The following PRR5L variants were observed in gnomAD, a reference collection of about 807,000 sequenced individuals.
PRR5L encodes the protein proline rich 5 like.
PRR5L carries 21 observed loss-of-function variants against 36.4 expected under a neutral mutation model. The ratio of observed to expected loss-of-function variants is 0.58; its 90% CI spans 0.41 to 0.83. The LOEUF (loss-of-function observed/expected upper bound fraction) is 0.83, where lower values mean the gene tolerates loss of function less well. Ranked by LOEUF, PRR5L falls within the 40% of genes least tolerant of loss-of-function variation. The pLI is 0.00. For synonymous variants in PRR5L, 188 were observed against 197.0 expected (o/e 0.95, Z 0.38); for missense variants, 381 against 473.3 (o/e 0.80, Z 1.81).
At chr11:36,304,068 GCAGCATCCT>G (rs1856404726) in intron 1 of PRR5L, among the ~76,000 whole-genome samples, 1 of 152,112 alleles carries the variant, frequency 6.6e-6, no homozygotes, top group Admixed American at 6.5e-5. Context: ...GAGGGTCCTC[GCAGCATCCT>G]CAGAAGAGAC....
chr11:36,338,344 G>T (rs759122346), intron 1 of PRR5L, among the ~76,000 whole-genome samples: 22 of 151,966 alleles, frequency 1.4e-4, no homozygotes, highest in Non-Finnish European at 2.5e-4. Context: ...CATTCACCCC[G>T]CTTGAAATGC....
intron 1 of PRR5L, among the ~76,000 whole-genome samples, chr11:36,356,552 G>A (rs1857030058): frequency 6.6e-6 from 1 of 152,044 alleles, no homozygotes; most frequent in South Asian, 2.1e-4. Context: ...CAAGTCAATT[G>A]GCCCCATTTT....
At chr11:36,321,987 C>G (rs1856617981) in intron 1 of PRR5L, among the ~76,000 whole-genome samples, 2 of 152,250 alleles carry the variant, frequency 1.3e-5, no homozygotes, top group Non-Finnish European at 1.5e-5. Flanking sequence ...TTTTCAAAGC[C>G]TCTGTCTCCA....
chr11:36,329,227 G>A (rs1377530190), intron 1 of PRR5L: 1 of 152,156 alleles, frequency 6.6e-6, no homozygotes, highest in Admixed American at 6.5e-5. Context: ...ATTTCCTTGA[G>A]CATGGCATGG....
chr11:36,460,590 G>A (rs1023333994), intron 8 of PRR5L, among the ~76,000 whole-genome samples: 1 of 152,158 alleles, frequency 6.6e-6, no homozygotes, highest in African/African-American at 2.4e-5. Flanking sequence ...ACTGATGTTA[G>A]CATTACCTTT....
chr11:36,458,723 A>C (rs945163072), intron 8 of PRR5L, among the ~76,000 whole-genome samples: 2 of 152,208 alleles, frequency 1.3e-5, no homozygotes, highest in Non-Finnish European at 2.9e-5. Context: ...GGAAGAGCAG[A>C]GAGTAAACTA....
chr11:36,338,912 T>C (rs1856793141), intron 1 of PRR5L, among the ~76,000 whole-genome samples: 1 of 152,106 alleles, frequency 6.6e-6, no homozygotes, highest in Non-Finnish European at 1.5e-5. Flanking sequence ...GGTAACTGAG[T>C]CACGGGGGCC....
At chr11:36,455,974 G>A (rs1475804234) in intron 8 of PRR5L, among the ~76,000 whole-genome samples, 1 of 152,206 alleles carries the variant, frequency 6.6e-6, no homozygotes, top group Non-Finnish European at 1.5e-5. Flanking sequence ...CCAGAAAGTA[G>A]AAGGAAGAGC....
chr11:36,338,439 C>G (rs960578320), intron 1 of PRR5L, among the ~76,000 whole-genome samples: 2 of 152,168 alleles, frequency 1.3e-5, no homozygotes, highest in Non-Finnish European at 2.9e-5. Context: ...TCTGACGTGG[C>G]ACTCTTCTAG....
intron 1 of PRR5L, among the ~76,000 whole-genome samples, chr11:36,325,779 G>A (rs192369731): frequency 3.3e-5 from 5 of 152,252 alleles, no homozygotes; most frequent in African/African-American, 1.2e-4. Flanking sequence ...CACCAACATA[G>A]TCTTTTTCTA....
At chr11:36,333,171 A>G (rs886075542) in intron 1 of PRR5L, among the ~76,000 whole-genome samples, 1 of 152,234 alleles carries the variant, frequency 6.6e-6, no homozygotes, top group Admixed American at 6.5e-5. Flanking sequence ...TTTTACTCAT[A>G]TAAAAATCCA....
intron 2 of PRR5L, among the ~76,000 whole-genome samples, chr11:36,402,881 A>G (rs1857827068): frequency 2.0e-5 from 3 of 152,226 alleles, no homozygotes; most frequent in South Asian, 4.1e-4. Flanking sequence ...TTACCGGTTC[A>G]TGTTAGCTCA....
At chr11:36,299,825 T>TTG (rs905940309) in intron 1 of PRR5L, among the ~76,000 whole-genome samples, 1 of 152,158 alleles carries the variant, frequency 6.6e-6, no homozygotes, top group African/African-American at 2.4e-5. Context: ...CTACTGGAGT[T>TTG]TGGTCTGTGC....
intron 1 of PRR5L, among the ~76,000 whole-genome samples, chr11:36,397,957 G>A (rs768762305): frequency 2.8e-4 from 42 of 151,912 alleles, no homozygotes; most frequent in Non-Finnish European, 5.3e-4. Flanking sequence ...CCCCATGCCC[G>A]GCTCATTTTG....
intron 1 of PRR5L, among the ~76,000 whole-genome samples, chr11:36,303,131 C>G (rs1473483997): frequency 6.6e-6 from 1 of 152,126 alleles, no homozygotes; most frequent in East Asian, 1.9e-4. Flanking sequence ...AGGACTCTTC[C>G]TCAAGACAGG....
intron 1 of PRR5L, chr11:36,398,371 C>G (rs762176952): frequency 6.6e-6 from 1 of 152,366 alleles, no homozygotes; most frequent in Admixed American, 6.5e-5. Context: ...CCGCGCCTGC[C>G]GGGCCAGCGC....
rs539553427 is a variant in PRR5L at position 36,332,799 on chromosome 11, C to T, written c.-126+36361C>T. On this transcript the variant is annotated intron_variant, in intron 1 of 8. Coordinates refer to ENST00000530639, the MANE Select transcript of PRR5L (RefSeq NM_001160167.2). The stretch of plus-strand genomic sequence containing the variant: ...CTCTCGCCATGTGATATGCCTGCTC[C>T]CCTTTGCCTCTCACAATGAGTGGAA... Among the ~76,000 whole-genome samples the T allele has an allele frequency of 2.6e-5, 4 of 152,308 alleles. No individual in the cohort carries two copies. In the South Asian group the frequency reaches 8.3e-4, roughly 32 times the overall value.
intron 1 of PRR5L, among the ~76,000 whole-genome samples, chr11:36,329,587 A>G (rs931123361): frequency 1.3e-5 from 2 of 152,354 alleles, no homozygotes; most frequent in African/African-American, 4.8e-5. Flanking sequence ...CCTTGTTTAT[A>G]AATAAGTCAT....
intron 3 of PRR5L, among the ~76,000 whole-genome samples, chr11:36,408,866 G>A (rs544518353): frequency 6.6e-6 from 1 of 152,318 alleles, no homozygotes; most frequent in African/African-American, 2.4e-5. Context: ...TCTTATAAGT[G>A]CTTTCAGTCT....
Sources: allele counts gnomAD v4.1 joint callset (sites outside exome capture counted in the v4.1 genomes callset), GRCh38; gene constraint gnomAD v4.1.1; transcripts MANE v1.5; gene names NCBI Gene and HGNC (gene_info 2026-07-23, HGNC 2026-07-21).